MBOAT2: variants seen among roughly 807,000 people sequenced by gnomAD.
The protein encoded by MBOAT2 is membrane bound glycerophospholipid O-acyltransferase 2, also known as membrane-bound glycerophospholipid O-acyltransferase 2.
In MBOAT2, 28 loss-of-function variants were observed where a neutral mutation model predicts 63.4. The ratio of observed to expected loss-of-function variants is 0.44; its 90% CI spans 0.33 to 0.61. The LOEUF is 0.61. Among genes scored for constraint, MBOAT2 ranks in the 20% least tolerant of loss-of-function variants. The pLI is 0.03. For synonymous variants in MBOAT2, 211 were observed against 215.6 expected (o/e 0.98, Z 0.19); for missense variants, 470 against 605.8 (o/e 0.78, Z 2.35).
intron 7 of MBOAT2, among the ~76,000 whole-genome samples, chr2:8,875,699 A>C (rs1456636136): frequency 6.6e-6 from 1 of 152,182 alleles, no homozygotes; most frequent in Non-Finnish European, 1.5e-5. Flanking sequence ...AGCTGTCTAC[A>C]ATTGTCTTTA....
intron 6 of MBOAT2, among the ~76,000 whole-genome samples, chr2:8,878,573 C>T (rs1156348311): frequency 2.0e-5 from 3 of 152,176 alleles, no homozygotes; most frequent in Non-Finnish European, 4.4e-5. Context: ...ACTCAAACTC[C>T]TGAGCTCAAG....
intron 1 of MBOAT2, among the ~76,000 whole-genome samples, chr2:8,987,942 C>T (rs1452190424): frequency 6.6e-6 from 1 of 152,054 alleles, no homozygotes; most frequent in Non-Finnish European, 1.5e-5. Context: ...GTATTACTTT[C>T]TCAATCAGAT....
intron 1 of MBOAT2, among the ~76,000 whole-genome samples, chr2:8,975,908 T>C (rs555306196): frequency 6.6e-6 from 1 of 152,140 alleles, no homozygotes; most frequent in South Asian, 2.1e-4. Context: ...TAAGACTCTT[T>C]CTTATCTCCT....
chr2:8,916,680 G>A (rs1197685693), intron 3 of MBOAT2, among the ~76,000 whole-genome samples: 1 of 152,220 alleles, frequency 6.6e-6, no homozygotes, highest in Non-Finnish European at 1.5e-5. Context: ...TTAACACGAT[G>A]AAATCAAATT....
chr2:8,867,410 T>A (rs1661978039), intron 9 of MBOAT2, among the ~76,000 whole-genome samples: 1 of 152,138 alleles, frequency 6.6e-6, no homozygotes, highest in African/African-American at 2.4e-5. Flanking sequence ...CTCTTCTGAT[T>A]CTCTCCTCCA....
chr2:8,989,022 G>C (rs1278253961), intron 1 of MBOAT2, among the ~76,000 whole-genome samples: 1 of 152,178 alleles, frequency 6.6e-6, no homozygotes, highest in East Asian at 1.9e-4. Flanking sequence ...TCTATGGAGG[G>C]AAACAAATGT....
chr2:8,927,760 T>C (rs904441428), intron 3 of MBOAT2, among the ~76,000 whole-genome samples: 4 of 152,112 alleles, frequency 2.6e-5, no homozygotes, highest in African/African-American at 9.7e-5. Flanking sequence ...GGCCCTCAAC[T>C]CTCGAGTCTG....
intron 1 of MBOAT2, among the ~76,000 whole-genome samples, chr2:8,967,981 C>G (rs1046026740): frequency 6.6e-6 from 1 of 152,060 alleles, no homozygotes; most frequent in Non-Finnish European, 1.5e-5. Flanking sequence ...GAGTGAGTGA[C>G]GCAGAAGACA....
At chr2:8,944,778 A>T (rs918546618) in intron 2 of MBOAT2, among the ~76,000 whole-genome samples, 2 of 152,042 alleles carry the variant, frequency 1.3e-5, no homozygotes, top group African/African-American at 4.8e-5. Context: ...AAGCTTTTTT[A>T]AAAAACAATT....
Position 8,862,325 on chromosome 2 carries a change from G to C in MBOAT2, c.1185+265C>G, listed in dbSNP as rs764391565. ...TTTTATCTCTCCTTCAGAAAATTCT[G>C]TAAAGACAAAGTAACATTTTGTGAG... On this transcript the variant is annotated intron_variant, in intron 11 of 12. Coordinates refer to ENST00000305997, the MANE Select transcript of MBOAT2 (RefSeq NM_138799.4). The surrounding 1 kb of genome is among the most constrained non-coding windows in gnomAD (Gnocchi z 4.3). 7.2e-7 allele frequency: 1 copy of C among 1,389,468 alleles called. No individual in the cohort carries two copies. Among genetic ancestry groups the C allele is most frequent in the South Asian group, 1.2e-5 (1 of 81,568 alleles). The allele number at this position is 1,389,468 out of a possible 1,614,324, so 86.1% of individuals were successfully genotyped here. A position where few individuals can be genotyped will look rare whatever the true frequency, so the allele number is the denominator to read the frequency against.
chr2:8,935,322 ACAAATACT>A (rs1331559816), intron 3 of MBOAT2, among the ~76,000 whole-genome samples: 1 of 152,250 alleles, frequency 6.6e-6, no homozygotes, highest in African/African-American at 2.4e-5. Flanking sequence ...GCAAGAACTC[ACAAATACT>A]CATTTGATAG....
chr2:8,906,412 T>G (rs1665338262), intron 4 of MBOAT2, among the ~76,000 whole-genome samples: 1 of 152,220 alleles, frequency 6.6e-6, no homozygotes, highest in South Asian at 2.1e-4. Flanking sequence ...ACCCTCACTT[T>G]GCTCACACTC....
intron 4 of MBOAT2, among the ~76,000 whole-genome samples, chr2:8,901,148 C>G (rs1432589216): frequency 2.6e-5 from 4 of 151,920 alleles, no homozygotes; most frequent in African/African-American, 9.7e-5. Flanking sequence ...GCCCAAGAAC[C>G]TGCAATGGTC....
chr2:8,943,177 G>C lies in MBOAT2; in HGVS notation c.299+10C>G, dbSNP rs199938182. On this transcript the variant is annotated intron_variant, in intron 3 of 12. Transcript: ENST00000305997. ...ATATATATTTTCATGTGAACAAAGTGAATACTTACTTGTGCATGTTCTCCA... is the reference window on the plus strand; with the variant it reads ...ATATATATTTTCATGTGAACAAAGTCAATACTTACTTGTGCATGTTCTCCA... 1.3e-3 allele frequency: 1,877 copies of C among 1,490,012 alleles called. 5 individuals carry two copies. Among genetic ancestry groups the C allele is most frequent in the South Asian group, 3.2e-3 (230 of 72,922 alleles). 92.3% of individuals were successfully genotyped at this position (1,490,012 alleles called of 1,614,324 possible). A position where few individuals can be genotyped will look rare whatever the true frequency, so the allele number is the denominator to read the frequency against.
rs142856549 is a variant in MBOAT2, at chr2:9,003,130, C to T, written c.75+410G>A. On this transcript the variant is annotated intron_variant, in intron 1 of 12. Transcript: ENST00000305997. The surrounding 1 kb of genome is among the most constrained non-coding windows in gnomAD (Gnocchi z 5.4). ...GCGGGGCAGGCAGCACCACGCCAGGCTCCCCAAAGCGCAGCCTTCCGCACC... is the reference window on the plus strand; with the variant it reads ...GCGGGGCAGGCAGCACCACGCCAGGTTCCCCAAAGCGCAGCCTTCCGCACC... 6.6e-6 allele frequency among the ~76,000 whole-genome samples: 1 copy of T among 152,280 alleles called. No homozygotes were observed. The highest frequency in any genetic ancestry group is 1.9e-4 in the East Asian group (1 of 5,158).
chr2:8,945,470 T>A (rs1042017291), intron 2 of MBOAT2, among the ~76,000 whole-genome samples: 50 of 152,202 alleles, frequency 3.3e-4, no homozygotes, highest in African/African-American at 1.2e-3. Flanking sequence ...AGCACTCAAC[T>A]ATTAAGTATT....
chr2:8,921,765 C>T (rs1666587863), intron 3 of MBOAT2, among the ~76,000 whole-genome samples: 1 of 152,184 alleles, frequency 6.6e-6, no homozygotes, highest in Non-Finnish European at 1.5e-5. Flanking sequence ...TTTATCATTG[C>T]TCTCTCCATA....
At chr2:8,860,334 G>A (rs1661407104) in intron 12 of MBOAT2, among the ~76,000 whole-genome samples, 1 of 151,966 alleles carries the variant, frequency 6.6e-6, no homozygotes, top group Non-Finnish European at 1.5e-5. Flanking sequence ...GGACAATTAA[G>A]CTAACAAGTT....
intron 1 of MBOAT2, among the ~76,000 whole-genome samples, chr2:8,981,848 G>C (rs1167508682): frequency 6.6e-6 from 1 of 152,074 alleles, no homozygotes; most frequent in Non-Finnish European, 1.5e-5. Flanking sequence ...ATATTTAACT[G>C]ATGAACTTTC....
Sources: gnomAD v4.1 joint callset for allele counts (sites outside exome capture counted in the v4.1 genomes callset) on GRCh38, gnomAD v4.1.1 for gene constraint, Gnocchi (gnomAD v3.1) non-coding constraint, MANE v1.5 for transcripts, NCBI Gene and HGNC (gene_info 2026-07-23, HGNC 2026-07-21) for gene names.